GLRA1: variants seen among roughly 807,000 people sequenced by gnomAD.
GLRA1 encodes the protein glycine receptor alpha 1.
In GLRA1, 37 loss-of-function variants were observed where a neutral mutation model predicts 48.3. The observed-to-expected ratio is 0.77, with a 90% CI of 0.59 to 1.01. The LOEUF (loss-of-function observed/expected upper bound fraction) is 1.01, where lower values mean the gene tolerates loss of function less well. Among genes scored for constraint, GLRA1 ranks in the 50% least tolerant of loss-of-function variants. GLRA1 has a pLI of 0.00. For synonymous variants in GLRA1, 196 were observed against 210.7 expected, an observed-to-expected ratio of 0.93 and a Z score of 0.60; for missense variants, 427 against 571.0, an observed-to-expected ratio of 0.75 and a Z score of 2.57.
chr5:151,837,641 T>TGA (rs1763610839), intron 7 of GLRA1, among the ~76,000 whole-genome samples: 1 of 152,268 alleles, frequency 6.6e-6, no homozygotes, highest in South Asian at 2.1e-4. Context: ...ATAAAAAGGA[T>TGA]GAGTTCATGT....
chr5:151,893,452 A>G (rs1015323005), intron 1 of GLRA1, among the ~76,000 whole-genome samples: 7 of 151,752 alleles, frequency 4.6e-5, no homozygotes, highest in Non-Finnish European at 1.0e-4. Flanking sequence ...TCAACTTGTC[A>G]TCTAGGTTTT....
Position 151,907,259 on chromosome 5 carries a change from C to T in GLRA1, c.57-14821G>A, listed in dbSNP as rs79941129. On this transcript the variant is annotated intron_variant, in intron 1 of 8. Transcript: ENST00000274576. ...CAGAAGTTGCTCTTTATATATTAAG[C>T]GAAAAATTATCTATAATCTTTCTAT... Among the ~76,000 whole-genome samples the T allele has an allele frequency of 1.9e-3, 285 of 152,196 alleles. 2 individuals are homozygous for T. The East Asian group carries it at 0.021, about 11-fold the overall frequency.
chr5:151,847,238 A>G (rs1244880635), intron 7 of GLRA1, among the ~76,000 whole-genome samples: 2 of 152,246 alleles, frequency 1.3e-5, no homozygotes, highest in Admixed American at 6.5e-5. Context: ...TATTGTGTCT[A>G]TTGTTGAGTG....
chr5:151,827,401 T>C (rs1030266034), intron 8 of GLRA1, among the ~76,000 whole-genome samples: 1 of 152,188 alleles, frequency 6.6e-6, no homozygotes, highest in Non-Finnish European at 1.5e-5. Context: ...TTGAATCAGA[T>C]TGCTGATGTT....
intron 8 of GLRA1, among the ~76,000 whole-genome samples, chr5:151,824,321 G>T (rs1561544242): frequency 2.6e-5 from 4 of 151,436 alleles, no homozygotes; most frequent in Admixed American, 1.3e-4. Flanking sequence ...CCTCCAATCT[G>T]CCCCCACCAC....
intron 1 of GLRA1, among the ~76,000 whole-genome samples, chr5:151,900,338 G>A (rs529711021): frequency 3.2e-4 from 48 of 152,294 alleles, no homozygotes; most frequent in Admixed American, 1.3e-3. Flanking sequence ...TCTACAGGGT[G>A]GGATTTCCTG....
chr5:151,858,773 GAA>G (rs33988190), intron 4 of GLRA1, among the ~76,000 whole-genome samples: 9 of 149,608 alleles, frequency 6.0e-5, no homozygotes, highest in African/African-American at 9.8e-5. Flanking sequence ...TCACCCAAAG[GAA>G]AAAAAAAACG....
At chr5:151,883,668 GC>G (rs1178215638) in intron 3 of GLRA1, among the ~76,000 whole-genome samples, 3 of 152,220 alleles carry the variant, frequency 2.0e-5, no homozygotes, top group Non-Finnish European at 4.4e-5. Context: ...CATTGCAACT[GC>G]CCTTTGTGTC....
intron 1 of GLRA1, among the ~76,000 whole-genome samples, chr5:151,919,398 G>A (rs1224890447): frequency 1.3e-5 from 2 of 152,144 alleles, no homozygotes; most frequent in African/African-American, 4.8e-5. Context: ...TAGTGGTCAG[G>A]CATCATGTTT....
intron 7 of GLRA1, among the ~76,000 whole-genome samples, chr5:151,849,247 TTCCC>T (rs1311533384): frequency 2.1e-5 from 2 of 93,030 alleles, no homozygotes; most frequent in African/African-American, 1.0e-4. Flanking sequence ...CCTTCCTTCC[TTCCC>T]TTCTTTCTTT....
intron 1 of GLRA1, among the ~76,000 whole-genome samples, chr5:151,911,237 C>A (rs546196557): frequency 6.6e-6 from 1 of 152,286 alleles, no homozygotes; most frequent in East Asian, 1.9e-4. Context: ...CTTTATGGCC[C>A]AGTTTAATTA....
intron 7 of GLRA1, among the ~76,000 whole-genome samples, chr5:151,839,906 A>C (rs892966197): frequency 1.3e-5 from 2 of 152,166 alleles, no homozygotes; most frequent in African/African-American, 4.8e-5. Context: ...TAAACCACCA[A>C]ATCTGTGGCA....
At chr5:151,915,321 T>G (rs1453323518) in intron 1 of GLRA1, among the ~76,000 whole-genome samples, 2 of 152,232 alleles carry the variant, frequency 1.3e-5, no homozygotes, top group Admixed American at 6.5e-5. Flanking sequence ...AATATCTGTT[T>G]GCAGTTATCT....
chr5:151,920,336 G>A (rs901537128), intron 1 of GLRA1, among the ~76,000 whole-genome samples: 19 of 152,310 alleles, frequency 1.2e-4, no homozygotes, highest in Admixed American at 2.6e-4. Flanking sequence ...TGGGATGGAA[G>A]CAGAGCTGAC....
At chr5:151,880,449 A>G (rs898580496) in intron 3 of GLRA1, among the ~76,000 whole-genome samples, 1 of 152,238 alleles carries the variant, frequency 6.6e-6, no homozygotes, top group African/African-American at 2.4e-5. Flanking sequence ...CTGTAGTTGC[A>G]TAGGCTGTCA....
At chr5:151,838,953 A>T (rs1460631702) in intron 7 of GLRA1, among the ~76,000 whole-genome samples, 2 of 152,206 alleles carry the variant, frequency 1.3e-5, no homozygotes, top group African/African-American at 4.8e-5. Context: ...TGCTACTGCA[A>T]CCTCCACCTC....
At chr5:151,833,163 A>G (rs1220349973) in intron 7 of GLRA1, among the ~76,000 whole-genome samples, 1 of 152,200 alleles carries the variant, frequency 6.6e-6, no homozygotes, top group East Asian at 1.9e-4. Context: ...TAAACATGGA[A>G]AGGAACAACC....
At chr5:151,908,726 C>T (rs922776385) in intron 1 of GLRA1, among the ~76,000 whole-genome samples, 1 of 151,814 alleles carries the variant, frequency 6.6e-6, no homozygotes, top group African/African-American at 2.4e-5. Context: ...CTTCTTAATC[C>T]CATAATGTTA....
At chr5:151,889,521 G>A (rs1754002121) in intron 2 of GLRA1, among the ~76,000 whole-genome samples, 1 of 152,210 alleles carries the variant, frequency 6.6e-6, no homozygotes, top group African/African-American at 2.4e-5. Context: ...CTACCTCACA[G>A]TTTCTTTGCC....
Sources: gnomAD v4.1 joint callset for allele counts (sites outside exome capture counted in the v4.1 genomes callset) on GRCh38, gnomAD v4.1.1 for gene constraint, MANE v1.5 for transcripts, NCBI Gene and HGNC (gene_info 2026-07-23, HGNC 2026-07-21) for gene names.